The following SRSF7 variants were observed in gnomAD, a reference collection of about 807,000 sequenced individuals.
SRSF7 encodes the protein serine and arginine rich splicing factor 7, also known as serine/arginine-rich splicing factor 7.
SRSF7 carries 15 observed loss-of-function variants against 42.2 expected under a neutral mutation model. The ratio of observed to expected loss-of-function variants is 0.36; its 90% CI spans 0.24 to 0.55. The LOEUF is 0.55. Among genes scored for constraint, SRSF7 ranks in the 20% least tolerant of loss-of-function variants. The pLI is 0.88. For missense variants in SRSF7, 181 were observed against 305.9 expected (o/e 0.59, Z 3.04); for synonymous variants, 138 against 107.9 (o/e 1.28, Z -1.73).
chr2:38,751,468 A>C, upstream of SRSF7: 1 of 619,676 alleles, frequency 1.6e-6, no homozygotes, highest in Non-Finnish European at 2.8e-6. Flanking sequence ...ACAGCCAAGA[A>C]ACGACGCGGA....
At chr2:38,750,519 G>A (rs968411474) in intron 1 of SRSF7, among the ~76,000 whole-genome samples, 1 of 151,626 alleles carries the variant, frequency 6.6e-6, no homozygotes, top group Non-Finnish European at 1.5e-5. Context: ...GGCGCACCGG[G>A]AGCGCGCGGG....
intron 3 of SRSF7, 143 bp downstream of exon 3, chr2:38,749,385 CA>C (rs1558612503): frequency 3.9e-6 from 6 of 1,543,674 alleles, no homozygotes; most frequent in South Asian, 2.4e-5. Flanking sequence ...AATATAGTAA[CA>C]TTTTTTTAAT....
At chr2:38,748,477 A>G in intron 4 of SRSF7, 102 bp downstream of exon 4, 1 of 1,192,528 alleles carries the variant, frequency 8.4e-7, no homozygotes, top group Middle Eastern at 1.9e-4. Flanking sequence ...CGGGTGACAG[A>G]GCAAGACCCT....
At chr2:38,748,874 C>T in intron 3 of SRSF7, 2 of 1,373,990 alleles carry the variant, frequency 1.5e-6, no homozygotes, top group Non-Finnish European at 1.9e-6. Flanking sequence ...ATATAAAACA[C>T]TGTAATGTGT....
chr2:38,747,260 A>T (rs1220978116), intron 5 of SRSF7: 1 of 316,358 alleles, frequency 3.2e-6, no homozygotes, highest in African/African-American at 2.2e-5. Context: ...AGAGCCATCA[A>T]TCTGTCAGAC....
At chr2:38,748,936 C>T in intron 3 of SRSF7, 1 of 1,328,720 alleles carries the variant, frequency 7.5e-7, no homozygotes, top group Non-Finnish European at 9.7e-7. Flanking sequence ...GGCCCATGGT[C>T]TAGTAGATCT....
chr2:38,745,888 A>T (rs1445225875), intron 7 of SRSF7, among the ~76,000 whole-genome samples: 1 of 152,166 alleles, frequency 6.6e-6, no homozygotes, highest in African/African-American at 2.4e-5. Flanking sequence ...TCTTACCAAA[A>T]TTTCTACCAA....
At chr2:38,751,058 C>A (rs898462193) in intron 1 of SRSF7, 171 bp downstream of exon 1, 15 of 772,628 alleles carry the variant, frequency 1.9e-5, no homozygotes, top group Non-Finnish European at 2.8e-5. Flanking sequence ...CACCCGCCAT[C>A]CCGTCTCCCT....
rs1006170042 is a variant in SRSF7 at position 38,745,273 on chromosome 2, G to A, written c.663-86C>T. 36 of 1,372,632 alleles carry A rather than the reference G, an allele frequency of 2.6e-5. No homozygotes were observed. In the African/African-American group the frequency reaches 4.5e-4, roughly 17 times the overall value. The allele number at this position is 1,372,632 out of a possible 1,614,324, so 85.0% of individuals were successfully genotyped here. Reference sequence around the variant, plus strand: ...GTACTAACTTTCAATAACTTCAAAGGTGGCCTAAGGTACTAATTTCCTATA... The same window carrying A: ...GTACTAACTTTCAATAACTTCAAAGATGGCCTAAGGTACTAATTTCCTATA... On this transcript the variant is annotated intron_variant, in intron 7 of 7. Transcript: ENST00000313117.
At chr2:38,750,477 C>T (rs562638063) in intron 1 of SRSF7, among the ~76,000 whole-genome samples, 102 of 151,840 alleles carry the variant, frequency 6.7e-4, no homozygotes, top group African/African-American at 2.2e-3. Flanking sequence ...CGGAACCTGG[C>T]CCGGCCCCAC....
At chr2:38,745,988 TC>T (rs1005802336) in intron 7 of SRSF7, among the ~76,000 whole-genome samples, 155 bp downstream of exon 7, 18 of 150,630 alleles carry the variant, frequency 1.2e-4, no homozygotes, top group Admixed American at 9.2e-4. Context: ...TGTTACTGAA[TC>T]AAAAAAAAAA....
At chr2:38,748,757 T>C in intron 3 of SRSF7, 104 bp from the exon 4 acceptor site, 1 of 1,319,254 alleles carries the variant, frequency 7.6e-7, no homozygotes, top group East Asian at 2.3e-5. Flanking sequence ...TTAAATTTAG[T>C]GTCTCATTTG....
Position 38,748,131 on chromosome 2 carries a change from G to C in SRSF7, c.488C>G (p.Ser163Ter). The change falls in exon 5 of 8, where the codon TCA becomes TGA. Residue 163 changes from serine (S) to a stop codon, truncating the protein, a stop_gained. Coordinates refer to ENST00000313117, the MANE Select transcript of SRSF7 (RefSeq NM_001031684.3). LOFTEE classifies it high-confidence loss of function. ...RRSRSASPRR[S>*]RSISLRRSRS... is the part of the protein sequence containing the mutation. Reference sequence around the variant, plus strand: ...TGATCTACGAAGAGAGATAGATCTTGATCGTCGAGGAGATGCTGACCTTGA... The same window carrying C: ...TGATCTACGAAGAGAGATAGATCTTCATCGTCGAGGAGATGCTGACCTTGA... 6.2e-7 allele frequency: 1 copy of C among 1,613,512 alleles called. No individual in the cohort carries two copies. The highest frequency in any genetic ancestry group is 8.5e-7 in the Non-Finnish European group (1 of 1,179,752).
Position 38,743,664 on chromosome 2 carries a change from A to G in SRSF7, c.*1469T>C. 6.5e-6 allele frequency: 1 copy of G among 152,690 alleles called. No homozygotes were observed. The highest frequency in any genetic ancestry group is 6.5e-5 in the Admixed American group (1 of 15,288). The allele number at this position is 152,690 out of a possible 1,614,324, so 9.5% of individuals were successfully genotyped here. A position where few individuals can be genotyped will look rare whatever the true frequency, so the allele number is the denominator to read the frequency against. Reference sequence around the variant, plus strand: ...TATCTTTAAATAATACAGAACAATTAAAGCTAACCAAGTGCAACAGATAAA... The same window carrying G: ...TATCTTTAAATAATACAGAACAATTGAAGCTAACCAAGTGCAACAGATAAA... On this transcript the variant is annotated 3_prime_UTR_variant, in exon 8 of 8. Coordinates refer to ENST00000313117, the MANE Select transcript of SRSF7 (RefSeq NM_001031684.3).
chr2:38,749,867 C>G, intron 2 of SRSF7, 147 bp downstream of exon 2: 5 of 1,236,942 alleles, frequency 4.0e-6, no homozygotes, highest in Non-Finnish European at 4.4e-6. Flanking sequence ...CCGCTATCTT[C>G]TTTAACCTTC....
At chr2:38,751,442 A>G (rs974356312), upstream of SRSF7, 12 of 757,286 alleles carry the variant, frequency 1.6e-5, no homozygotes, top group Non-Finnish European at 2.6e-5. Context: ...GCGCGGCACA[A>G]AGGAGCTGGG....
At chr2:38,748,800 ATTTT>A in intron 3 of SRSF7, 147 bp from the exon 4 acceptor site, 11 of 1,000,164 alleles carry the variant, frequency 1.1e-5, no homozygotes, top group Admixed American at 3.3e-5. Context: ...GTTGTTGAGT[ATTTT>A]TTTTTTTACT....
At chr2:38,748,189 A>AT in intron 4 of SRSF7, 32 bp from the exon 5 acceptor site, 15 of 1,448,412 alleles carry the variant, frequency 1.0e-5, no homozygotes, top group Admixed American at 2.1e-5. Flanking sequence ...CCATCTCCAC[A>AT]GTTTTTTTTT....
At chr2:38,750,853 G>C (rs533674778) in intron 1 of SRSF7, 2 of 280,868 alleles carry the variant, frequency 7.1e-6, no homozygotes, top group African/African-American at 4.3e-5. Flanking sequence ...CGCTGAAGTG[G>C]CGGGAAAGCG....
Sources: allele counts gnomAD v4.1 joint callset (sites outside exome capture counted in the v4.1 genomes callset), GRCh38; gene constraint gnomAD v4.1.1; transcripts MANE v1.5; gene names NCBI Gene and HGNC (gene_info 2026-07-23, HGNC 2026-07-21).